Variants in FARP1 observed in about 807,000 individuals in gnomAD.
The protein encoded by FARP1 is FERM, ARH/RhoGEF and pleckstrin domain protein 1, also known as FERM, ARHGEF and pleckstrin domain-containing protein 1.
A neutral mutation model predicts 128.8 loss-of-function variants in FARP1; 52 were observed. The observed-to-expected ratio is 0.40, with a 90% CI of 0.32 to 0.51. The LOEUF is 0.51. Among genes scored for constraint, FARP1 ranks in the 20% least tolerant of loss-of-function variants. FARP1 has a pLI of 0.45. For missense variants in FARP1, 1,333 were observed against 1,367.9 expected, an observed-to-expected ratio of 0.97 and a Z score of 0.40; for synonymous variants, 580 against 551.8, an observed-to-expected ratio of 1.05 and a Z score of -0.72.
intron 1 of FARP1, among the ~76,000 whole-genome samples, chr13:98,212,102 C>T (rs546047201): frequency 6.6e-6 from 1 of 152,220 alleles, no homozygotes; most frequent in Non-Finnish European, 1.5e-5. Flanking sequence ...GTCCCCCAGG[C>T]TGGAGTGCAG....
At chr13:98,271,654 G>C (rs891951194) in intron 2 of FARP1, among the ~76,000 whole-genome samples, 1 of 152,136 alleles carries the variant, frequency 6.6e-6, no homozygotes, top group Non-Finnish European at 1.5e-5. Flanking sequence ...GAGTGAGAAC[G>C]TGTGGTGTTT....
At chr13:98,267,119 C>T (rs9584789) in intron 2 of FARP1, among the ~76,000 whole-genome samples, 1 of 151,662 alleles carries the variant, frequency 6.6e-6, no homozygotes, top group Non-Finnish European at 1.5e-5. Flanking sequence ...ATATTTTTAC[C>T]TAAACGGTTT....
In FARP1 at chr13:98,448,448, T is replaced by A; in HGVS notation, c.*131T>A. On this transcript the variant is annotated 3_prime_UTR_variant, in exon 27 of 27. Coordinates refer to ENST00000319562, the MANE Select transcript of FARP1 (RefSeq NM_005766.4). ...ACATGGCTTCCCAGCAGCTCTCCTG[T>A]CTCCACAGCCGCGTTTTTTAACCCC... 1 of 747,074 alleles carries A rather than the reference T, an allele frequency of 1.3e-6. No individual in the cohort carries two copies. Among genetic ancestry groups the A allele is most frequent in the Non-Finnish European group, 2.3e-6 (1 of 435,618 alleles). 46.3% of individuals were successfully genotyped at this position (747,074 alleles called of 1,614,324 possible).
chr13:98,194,420 A>AT (rs1346039724), intron 1 of FARP1, among the ~76,000 whole-genome samples: 1 of 152,298 alleles, frequency 6.6e-6, no homozygotes, highest in East Asian at 1.9e-4. Context: ...CCTGGCTCCT[A>AT]TTTTTTAAAA....
chr13:98,313,109 TACACACACACACACACAC>T lies in FARP1; in HGVS notation c.172-30638_172-30621del, dbSNP rs10565192. Reference sequence around the variant, plus strand: ...CACTCTGGAATCGGGTGGGTCATAATACACACACACACACACACACACACACACACACTCACTCGAATC... The same window carrying T: ...CACTCTGGAATCGGGTGGGTCATAATACACACACACACACTCACTCGAATC... On this transcript the variant is annotated intron_variant, in intron 2 of 26. Coordinates refer to ENST00000319562, the MANE Select transcript of FARP1 (RefSeq NM_005766.4). 1.2e-4 allele frequency among the ~76,000 whole-genome samples: 17 copies of T among 138,358 alleles called. No individual in the cohort carries two copies. In the South Asian group the frequency reaches 2.9e-3, roughly 24 times the overall value. 90.8% of individuals were successfully genotyped at this position (138,358 alleles called of 152,430 possible). A position where few individuals can be genotyped will look rare whatever the true frequency, so the allele number is the denominator to read the frequency against.
intron 1 of FARP1, among the ~76,000 whole-genome samples, chr13:98,152,313 C>T (rs760437284): frequency 3.9e-5 from 6 of 152,180 alleles, no homozygotes; most frequent in Non-Finnish European, 7.3e-5. Context: ...TTTGTTGTTA[C>T]TAGGTCCCTA....
At chr13:98,444,362 A>G (rs1892687398) in intron 24 of FARP1, among the ~76,000 whole-genome samples, 1 of 136,726 alleles carries the variant, frequency 7.3e-6, no homozygotes, top group African/African-American at 2.5e-5. Flanking sequence ...GGTCTGAGGG[A>G]ATGGGATCCA....
chr13:98,297,969 G>A (rs1885770855), intron 2 of FARP1, among the ~76,000 whole-genome samples: 1 of 152,180 alleles, frequency 6.6e-6, no homozygotes, highest in Non-Finnish European at 1.5e-5. Context: ...CCATCATCCT[G>A]TGCGTTTGCA....
chr13:98,412,475 GATGT>G (rs1182187594), intron 16 of FARP1, among the ~76,000 whole-genome samples: 6 of 152,242 alleles, frequency 3.9e-5, no homozygotes, highest in African/African-American at 1.4e-4. Flanking sequence ...TTGAAAAAGA[GATGT>G]ATGTGGCGTG....
At chr13:98,367,438 CG>C (rs1303620976) in intron 4 of FARP1, among the ~76,000 whole-genome samples, 1 of 151,954 alleles carries the variant, frequency 6.6e-6, no homozygotes, top group East Asian at 1.9e-4. Context: ...TGTGAGCCAC[CG>C]CGCCTGGCCA....
intron 24 of FARP1, among the ~76,000 whole-genome samples, chr13:98,444,787 A>G (rs1173233883): frequency 6.6e-6 from 1 of 152,168 alleles, no homozygotes; most frequent in Non-Finnish European, 1.5e-5. Flanking sequence ...GCTGTGTGAA[A>G]ATTATGTGAG....
rs1289435124 is a variant in FARP1, at chr13:98,439,126, A to G, written c.2363A>G (p.Tyr788Cys). ...MFFLFNDVLL[Y>C]TSRGLTASNQ... The stretch of plus-strand genomic sequence containing the variant: ...CTCCAGTTCAACGACGTCCTGCTAT[A>G]CACGAGCCGGGGGCTGACGGCCTCC... The change falls in exon 21 of 27, where the codon TAC becomes TGC. Residue 788 changes from tyrosine to cysteine, a missense_variant. This residue lies in a region of FARP1 where 1,009 missense variants were observed against 969.8 expected (regional missense o/e 1.04). Transcript: ENST00000319562. 1 of 1,613,868 alleles carries G rather than the reference A, an allele frequency of 6.2e-7. No homozygotes were observed. The highest frequency in any genetic ancestry group is 1.7e-5 in the Admixed American group (1 of 59,990).
intron 13 of FARP1, chr13:98,406,035 T>C (rs1219742927): frequency 6.6e-6 from 1 of 152,138 alleles, no homozygotes; most frequent in East Asian, 1.9e-4. Flanking sequence ...CAGTGAAAAA[T>C]TGATTCCACG....
chr13:98,214,399 G>A (rs1377615065), intron 2 of FARP1, among the ~76,000 whole-genome samples: 14 of 152,128 alleles, frequency 9.2e-5, no homozygotes, highest in Non-Finnish European at 1.8e-4. Context: ...GTCTAATATT[G>A]TTTGTGGAGG....
intron 2 of FARP1, among the ~76,000 whole-genome samples, chr13:98,261,679 T>A (rs1325825197): frequency 6.6e-6 from 1 of 152,208 alleles, no homozygotes; most frequent in Non-Finnish European, 1.5e-5. Context: ...ATCTTTTTGA[T>A]ACATGTAACA....
chr13:98,448,489 G>C lies in FARP1; in HGVS notation c.*172G>C, dbSNP rs763962095. 5.0e-5 allele frequency: 30 copies of C among 604,872 alleles called. No homozygotes were observed. The highest frequency in any genetic ancestry group is 7.7e-5 in the Non-Finnish European group (26 of 337,434). 37.5% of individuals were successfully genotyped at this position (604,872 alleles called of 1,614,324 possible). ...TTTTAACCCCGACCTCTCAGCGTCT[G>C]AATGAACAGCGCTCCCACCTCCAGT... On this transcript the variant is annotated 3_prime_UTR_variant, in exon 27 of 27. Transcript: ENST00000319562.
intron 3 of FARP1, among the ~76,000 whole-genome samples, chr13:98,345,150 A>G (rs1888127304): frequency 6.6e-6 from 1 of 152,204 alleles, no homozygotes; most frequent in Non-Finnish European, 1.5e-5. Flanking sequence ...AATGATTCTC[A>G]AAACACCTGA....
At chr13:98,169,548 G>A (rs1877505221) in intron 1 of FARP1, among the ~76,000 whole-genome samples, 1 of 152,156 alleles carries the variant, frequency 6.6e-6, no homozygotes, top group Non-Finnish European at 1.5e-5. Context: ...AACAGGGCAA[G>A]ACCTTGTCTC....
In FARP1 at chr13:98,439,197, GT is replaced by G; in HGVS notation, c.2433+2del. 6.2e-7 allele frequency: 1 copy of G among 1,610,000 alleles called. No individual in the cohort carries two copies. Among genetic ancestry groups the G allele is most frequent in the Non-Finnish European group, 8.5e-7 (1 of 1,176,916 alleles). ...GCAGCTCCCGCTCTATGGCATGACGGTGAGTACAGCACAGGCTCGTGGCCAG... is the reference window on the plus strand; with the variant it reads ...GCAGCTCCCGCTCTATGGCATGACGGGAGTACAGCACAGGCTCGTGGCCAG... On this transcript the variant is annotated splice_donor_variant, in intron 21 of 26. Transcript: ENST00000319562. LOFTEE classifies it high-confidence loss of function.
Sources: allele counts gnomAD v4.1 joint callset (sites outside exome capture counted in the v4.1 genomes callset), GRCh38; gene constraint gnomAD v4.1.1; regional missense constraint gnomAD v4.1.1; transcripts MANE v1.5; gene names NCBI Gene and HGNC (gene_info 2026-07-23, HGNC 2026-07-21).